Variants in COBL observed in about 807,000 individuals in gnomAD.
COBL encodes cordon-bleu WH2 repeat protein.
A neutral mutation model predicts 98.8 loss-of-function variants in COBL; 51 were observed. That is an observed-to-expected ratio of 0.52 (90% confidence interval 0.41 to 0.65). The LOEUF (loss-of-function observed/expected upper bound fraction) is 0.65, where lower values mean the gene tolerates loss of function less well. Among genes scored for constraint, COBL ranks in the 30% least tolerant of loss-of-function variants. The pLI, the probability that COBL is intolerant of heterozygous loss-of-function variation, is 0.00. For synonymous variants in COBL, 634 were observed against 651.7 expected, an observed-to-expected ratio of 0.97 and a Z score of 0.41; for missense variants, 1,617 against 1,617.5, an observed-to-expected ratio of 1.00 and a Z score of 0.01.
At chr7:51,104,287 T>C (rs769923512) in intron 6 of COBL, among the ~76,000 whole-genome samples, 3 of 152,256 alleles carry the variant, frequency 2.0e-5, no homozygotes, top group East Asian at 1.9e-4. Context: ...GATGATTATA[T>C]GTAATTTCCT....
At chr7:51,301,441 G>T (rs536921988) in intron 1 of COBL, among the ~76,000 whole-genome samples, 104 of 152,274 alleles carry the variant, frequency 6.8e-4, no homozygotes, top group African/African-American at 2.4e-3. Context: ...CAACACAGTG[G>T]CACTGCCCCT....
chr7:51,240,960 A>T (rs970026374), intron 1 of COBL, among the ~76,000 whole-genome samples: 4 of 152,196 alleles, frequency 2.6e-5, no homozygotes, highest in Non-Finnish European at 5.9e-5. Context: ...GCTATCCCAG[A>T]GGTACTGATG....
Position 51,064,921 on chromosome 7 carries a change from C to T in COBL, c.1096+20245G>A, listed in dbSNP as rs528403930. 3.4e-5 allele frequency: 19 copies of T among 556,000 alleles called. No homozygotes were observed. The South Asian group carries it at 3.8e-4, about 11-fold the overall frequency. 34.4% of individuals were successfully genotyped at this position (556,000 alleles called of 1,614,324 possible). On this transcript the variant is annotated intron_variant, in intron 7 of 12. Transcript: ENST00000265136. The stretch of plus-strand genomic sequence containing the variant: ...CCTGCTGCCTGGAAAGGATGCAGTG[C>T]GGTCTGTGGTGACGGGTTCATATTC...
chr7:51,033,749 C>T (rs933577541), intron 8 of COBL: 1 of 152,232 alleles, frequency 6.6e-6, no homozygotes, highest in African/African-American at 2.4e-5. Context: ...CTTTAGTGAA[C>T]AAGAATTCTT....
chr7:51,017,149 G>GTT lies in COBL; in HGVS notation c.*401_*402insAA. The GTT allele has an allele frequency of 2.3e-6, 1 of 437,958 alleles. No individual in the cohort carries two copies. The highest frequency in any genetic ancestry group is 4.0e-6 in the Non-Finnish European group (1 of 250,136). The allele number at this position is 437,958 out of a possible 1,614,324, so 27.1% of individuals were successfully genotyped here. A position where few individuals can be genotyped will look rare whatever the true frequency, so the allele number is the denominator to read the frequency against. ...CTAAAATTCAAAAGATCTTAAATCA[G>GTT]TAAGTAGTTTCATCCATCTGTATGT... On this transcript the variant is annotated 3_prime_UTR_variant, in exon 13 of 13. Transcript: ENST00000265136.
intron 7 of COBL, among the ~76,000 whole-genome samples, chr7:51,084,287 A>G (rs1793981044): frequency 6.6e-6 from 1 of 152,040 alleles, no homozygotes; most frequent in African/African-American, 2.4e-5. Flanking sequence ...CCTTAGGGCA[A>G]AGGCAAAACG....
chr7:51,086,379 A>G (rs1367782414), intron 6 of COBL, among the ~76,000 whole-genome samples: 1 of 148,002 alleles, frequency 6.8e-6, no homozygotes, highest in Non-Finnish European at 1.5e-5. Context: ...AAAAAAAAAA[A>G]AAAAAGAATG....
chr7:51,316,563 TC>T, intron 1 of COBL, 29 bp downstream of exon 1: 1 of 1,207,420 alleles, frequency 8.3e-7, no homozygotes, highest in South Asian at 3.8e-5. Flanking sequence ...AAGCCCCCTC[TC>T]CACCCCGCCC....
intron 7 of COBL, 73 bp downstream of exon 7, chr7:51,085,093 T>A: frequency 6.2e-7 from 1 of 1,606,830 alleles, no homozygotes; most frequent in Non-Finnish European, 8.5e-7. Flanking sequence ...ACTGCAGGAG[T>A]TCACATCAGA....
At chr7:51,048,016 A>C (rs1015509156) in intron 7 of COBL, among the ~76,000 whole-genome samples, 10 of 152,046 alleles carry the variant, frequency 6.6e-5, no homozygotes, top group Non-Finnish European at 1.5e-4. Context: ...AAAATACAAA[A>C]AATAGCGAGG....
intron 2 of COBL, among the ~76,000 whole-genome samples, chr7:51,194,549 C>T (rs1790415045): frequency 6.6e-6 from 1 of 152,172 alleles, no homozygotes; most frequent in Non-Finnish European, 1.5e-5. Flanking sequence ...GTCTCTTCCA[C>T]AATGGTTGAA....
At chr7:51,245,307 C>G (rs1043650319) in intron 1 of COBL, among the ~76,000 whole-genome samples, 1 of 152,200 alleles carries the variant, frequency 6.6e-6, no homozygotes, top group African/African-American at 2.4e-5. Context: ...CCTTCTAAAA[C>G]CCAGCCCATA....
chr7:51,107,231 A>G (rs1796391440), intron 6 of COBL, among the ~76,000 whole-genome samples: 1 of 151,532 alleles, frequency 6.6e-6, no homozygotes, highest in African/African-American at 2.4e-5. Flanking sequence ...AGTAGCTGGG[A>G]CTACAGGCGC....
intron 7 of COBL, chr7:51,082,918 G>C: frequency 2.6e-6 from 2 of 771,266 alleles, no homozygotes. Context: ...ACTGCATTCA[G>C]CATTGGGAAA....
At chr7:51,165,431 A>G (rs1364649710) in intron 5 of COBL, among the ~76,000 whole-genome samples, 1 of 152,068 alleles carries the variant, frequency 6.6e-6, no homozygotes, top group African/African-American at 2.4e-5. Flanking sequence ...TTTTAAATAT[A>G]CAGGCACCAA....
rs3047621 is a variant in COBL, at chr7:51,294,643, CAAAAAAA to C, written c.41+21943_41+21949del. 3.1e-4 allele frequency among the ~76,000 whole-genome samples: 25 copies of C among 80,592 alleles called. 1 individual carries two copies. 52.9% of individuals were successfully genotyped at this position (80,592 alleles called of 152,430 possible). Reference sequence around the variant, plus strand: ...GGGCGACAAGAGTGAAACTCCATCTCAAAAAAAAAAAAAAAAAAACCATTTTGGTCTT... The same window carrying C: ...GGGCGACAAGAGTGAAACTCCATCTCAAAAAAAAAAAACCATTTTGGTCTT... On this transcript the variant is annotated intron_variant, in intron 1 of 12. Transcript: ENST00000265136.
chr7:51,215,010 T>C (rs766300153), intron 2 of COBL, among the ~76,000 whole-genome samples: 2 of 152,206 alleles, frequency 1.3e-5, no homozygotes, highest in Non-Finnish European at 2.9e-5. Context: ...GTGTTATTTT[T>C]TTTTTCTACT....
chr7:51,054,494 T>C (rs1191232760), intron 7 of COBL, among the ~76,000 whole-genome samples: 1 of 152,192 alleles, frequency 6.6e-6, no homozygotes, highest in Non-Finnish European at 1.5e-5. Context: ...CTGAAGCTAC[T>C]GTAACTTTTT....
chr7:51,027,477 C>A (rs1787687483), intron 10 of COBL, among the ~76,000 whole-genome samples: 1 of 152,226 alleles, frequency 6.6e-6, no homozygotes, highest in East Asian at 1.9e-4. Context: ...CAGCCAGGGG[C>A]CTGAAGTCAG....
Sources: allele counts gnomAD v4.1 joint callset (sites outside exome capture counted in the v4.1 genomes callset), GRCh38; gene constraint gnomAD v4.1.1; transcripts MANE v1.5; gene names NCBI Gene and HGNC (gene_info 2026-07-23, HGNC 2026-07-21).